ERBB4: variants seen among roughly 807,000 people sequenced by gnomAD.
ERBB4 encodes erb-b2 receptor tyrosine kinase 4.
Under a neutral mutation model 158.0 loss-of-function variants are expected in ERBB4, and 42 were observed. That is an observed-to-expected ratio of 0.27 (90% confidence interval 0.21 to 0.34). The LOEUF (loss-of-function observed/expected upper bound fraction) is 0.34. ERBB4 is among the 10% of genes least tolerant of loss of function. ERBB4 has a pLI of 1.00. For synonymous variants in ERBB4, 583 were observed against 558.7 expected (o/e 1.04, Z -0.61); for missense variants, 1,333 against 1,624.1 (o/e 0.82, Z 3.08).
chr2:211,929,476 C>T (rs1368713674), intron 3 of ERBB4, among the ~76,000 whole-genome samples: 1 of 152,082 alleles, frequency 6.6e-6, no homozygotes, highest in Non-Finnish European at 1.5e-5. Flanking sequence ...TAAAACCCCT[C>T]CAGCATGTTC....
At chr2:212,509,926 G>A (rs1691413852) in intron 1 of ERBB4, among the ~76,000 whole-genome samples, 1 of 151,646 alleles carries the variant, frequency 6.6e-6, no homozygotes, top group Non-Finnish European at 1.5e-5. Context: ...TACTTTCAAT[G>A]CTTAATTAAC....
chr2:212,448,066 T>C (rs2092389290), intron 1 of ERBB4, among the ~76,000 whole-genome samples: 2 of 152,120 alleles, frequency 1.3e-5, no homozygotes, highest in South Asian at 4.1e-4. Flanking sequence ...TATTCACAAC[T>C]GACTTTTTCA....
intron 3 of ERBB4, among the ~76,000 whole-genome samples, chr2:211,829,594 T>G (rs1349801823): frequency 6.6e-6 from 1 of 152,154 alleles, no homozygotes; most frequent in Admixed American, 6.6e-5. Flanking sequence ...GACATACTTT[T>G]TAAAGGACAG....
intron 1 of ERBB4, among the ~76,000 whole-genome samples, chr2:212,202,768 C>A (rs1038312225): frequency 2.6e-5 from 4 of 152,156 alleles, no homozygotes; most frequent in Non-Finnish European, 5.9e-5. Context: ...CCAGGAAAGA[C>A]TGATCACTGT....
intron 3 of ERBB4, among the ~76,000 whole-genome samples, chr2:211,819,438 G>T (rs921576487): frequency 5.3e-5 from 8 of 151,978 alleles, no homozygotes; most frequent in Admixed American, 2.6e-4. Context: ...AATAGTAAAA[G>T]CTTTAGTCTG....
chr2:212,220,973 T>C (rs1199301709), intron 1 of ERBB4, among the ~76,000 whole-genome samples: 3 of 151,528 alleles, frequency 2.0e-5, no homozygotes, highest in Non-Finnish European at 4.4e-5. Context: ...CATATATTTA[T>C]TTGAAAAATA....
chr2:212,278,670 C>T (rs1387396372), intron 1 of ERBB4, among the ~76,000 whole-genome samples: 1 of 151,568 alleles, frequency 6.6e-6, no homozygotes, highest in African/African-American at 2.4e-5. Flanking sequence ...TTCATTATAT[C>T]TTAAAATCTG....
Position 211,622,737 on chromosome 2 carries a change from G to A in ERBB4, c.2202+1185C>T, listed in dbSNP as rs532122351. ...TCCTAGCACTTTGGGAAGCCAAGGC[G>A]GGTAGATCACTTGTCAGGAGTTCGA... is the stretch of plus-strand genomic sequence containing the variant. On this transcript the variant is annotated intron_variant, in intron 18 of 27. Transcript: ENST00000342788. 1.7e-3 allele frequency among the ~76,000 whole-genome samples: 253 copies of A among 150,820 alleles called. 1 individual carries two copies. The highest frequency in any genetic ancestry group is 5.9e-3 in the African/African-American group (243 of 41,176).
chr2:211,908,003 A>G (rs575819558), intron 3 of ERBB4, among the ~76,000 whole-genome samples: 1 of 151,832 alleles, frequency 6.6e-6, no homozygotes, highest in East Asian at 2.0e-4. Flanking sequence ...GCCTAAATCC[A>G]TGTATCTTTG....
chr2:212,019,094 C>T (rs1439789122), intron 2 of ERBB4, among the ~76,000 whole-genome samples: 1 of 151,838 alleles, frequency 6.6e-6, no homozygotes, highest in African/African-American at 2.4e-5. Flanking sequence ...GTCATCCTCC[C>T]GAAGCACAGA....
intron 2 of ERBB4, among the ~76,000 whole-genome samples, chr2:212,004,095 A>G (rs185085201): frequency 1.3e-5 from 2 of 152,326 alleles, no homozygotes; most frequent in East Asian, 3.9e-4. Flanking sequence ...CATGGACTGC[A>G]GGAATATTTT....
At chr2:212,176,803 G>A (rs954458282) in intron 1 of ERBB4, among the ~76,000 whole-genome samples, 1 of 151,974 alleles carries the variant, frequency 6.6e-6, no homozygotes, top group East Asian at 1.9e-4. Context: ...CTACGTGTAT[G>A]TATACTTCGA....
intron 1 of ERBB4, among the ~76,000 whole-genome samples, chr2:212,497,442 T>G (rs1438851572): frequency 3.3e-5 from 5 of 152,164 alleles, no homozygotes; most frequent in Admixed American, 3.3e-4. Context: ...TGTCCATTCA[T>G]TAACTTAGAC....
intron 3 of ERBB4, among the ~76,000 whole-genome samples, chr2:211,859,515 A>G (rs1436895875): frequency 6.6e-6 from 1 of 152,194 alleles, no homozygotes; most frequent in Admixed American, 6.5e-5. Flanking sequence ...TCTTTAAAAG[A>G]TGTGTTATGT....
intron 1 of ERBB4, among the ~76,000 whole-genome samples, chr2:212,494,428 G>A (rs1321147675): frequency 6.6e-6 from 1 of 151,966 alleles, no homozygotes; most frequent in Non-Finnish European, 1.5e-5. Flanking sequence ...TATTAAAATA[G>A]TTGAATACAT....
At chr2:212,327,959 T>C (rs2087938527) in intron 1 of ERBB4, among the ~76,000 whole-genome samples, 1 of 151,706 alleles carries the variant, frequency 6.6e-6, no homozygotes, top group East Asian at 2.0e-4. Context: ...GATTTAGTAT[T>C]TGTCATCTAA....
intron 2 of ERBB4, among the ~76,000 whole-genome samples, chr2:212,031,993 C>A (rs1399094659): frequency 6.6e-6 from 1 of 151,896 alleles, no homozygotes; most frequent in Non-Finnish European, 1.5e-5. Context: ...TCTCTTGGTG[C>A]CTGTTTTGAG....
At chr2:211,716,802 A>C (rs1301105041) in intron 7 of ERBB4, among the ~76,000 whole-genome samples, 4 of 152,210 alleles carry the variant, frequency 2.6e-5, no homozygotes, top group Admixed American at 1.3e-4. Context: ...AGCCAGGCCC[A>C]TCAGAGATTT....
chr2:212,087,069 G>A (rs2078637179), intron 2 of ERBB4, among the ~76,000 whole-genome samples: 1 of 151,658 alleles, frequency 6.6e-6, no homozygotes, highest in Non-Finnish European at 1.5e-5. Flanking sequence ...GCAGAGAAAG[G>A]GAGCTTAAAA....
Sources: allele counts gnomAD v4.1 joint callset (sites outside exome capture counted in the v4.1 genomes callset), GRCh38; gene constraint gnomAD v4.1.1; transcripts MANE v1.5; gene names NCBI Gene and HGNC (gene_info 2026-07-23, HGNC 2026-07-21).